TAF1B: variants seen among roughly 807,000 people sequenced by gnomAD.
The protein encoded by TAF1B is TATA-box binding protein associated factor, RNA polymerase I subunit B.
TAF1B carries 61 observed loss-of-function variants against 83.9 expected under a neutral mutation model. The ratio of observed to expected loss-of-function variants is 0.73; its 90% CI spans 0.59 to 0.90. TAF1B has a LOEUF of 0.90. Ranked by LOEUF, TAF1B falls within the 40% of genes least tolerant of loss-of-function variation. The pLI is 0.00. For synonymous variants in TAF1B, 221 were observed against 224.6 expected (o/e 0.98, Z 0.14); for missense variants, 625 against 677.0 (o/e 0.92, Z 0.85).
chr2:9,887,704 T>A (rs769510618), intron 8 of TAF1B, among the ~76,000 whole-genome samples: 2 of 152,162 alleles, frequency 1.3e-5, no homozygotes, highest in African/African-American at 2.4e-5. Flanking sequence ...TTTTAATTCG[T>A]GTGTTTAAGC....
At chr2:9,889,009 C>T (rs1477993703) in intron 8 of TAF1B, among the ~76,000 whole-genome samples, 1 of 151,398 alleles carries the variant, frequency 6.6e-6, no homozygotes, top group Admixed American at 6.6e-5. Context: ...ACCATGTGGG[C>T]CAGGCTGGTC....
At chr2:9,921,491 A>G (rs1243227072) in intron 14 of TAF1B, among the ~76,000 whole-genome samples, 1 of 152,228 alleles carries the variant, frequency 6.6e-6, no homozygotes, top group Non-Finnish European at 1.5e-5. Flanking sequence ...TGTACTGAAA[A>G]TCAACTCCAA....
intron 8 of TAF1B, among the ~76,000 whole-genome samples, chr2:9,899,750 TCA>T (rs1665127892): frequency 1.3e-5 from 2 of 152,180 alleles, no homozygotes; most frequent in Admixed American, 6.5e-5. Context: ...GAGATGAAAA[TCA>T]CAGTCTGATT....
At chr2:9,896,298 C>T (rs1665014541) in intron 8 of TAF1B, among the ~76,000 whole-genome samples, 1 of 152,104 alleles carries the variant, frequency 6.6e-6, no homozygotes, top group African/African-American at 2.4e-5. Context: ...AGCTTTTCTT[C>T]ATTGTGTGCT....
chr2:9,928,655 CTGTT>C (rs933405562), intron 14 of TAF1B, among the ~76,000 whole-genome samples: 5 of 151,108 alleles, frequency 3.3e-5, no homozygotes, highest in East Asian at 1.9e-4. Context: ...ATTTAGCTCT[CTGTT>C]TGTCTGTTAT....
intron 5 of TAF1B, among the ~76,000 whole-genome samples, chr2:9,862,484 T>A (rs2125142330): frequency 6.6e-6 from 1 of 152,310 alleles, no homozygotes; most frequent in South Asian, 2.1e-4. Flanking sequence ...TACCTGAAAG[T>A]GACAGGGAGA....
At chr2:9,873,672 G>A (rs1664236969) in intron 6 of TAF1B, among the ~76,000 whole-genome samples, 1 of 134,622 alleles carries the variant, frequency 7.4e-6, no homozygotes, top group African/African-American at 2.8e-5. Flanking sequence ...AAATGGCAAT[G>A]CATTCTACTT....
chr2:9,843,698 C>T, intron 1 of TAF1B, 139 bp downstream of exon 1: 2 of 1,003,908 alleles, frequency 2.0e-6, no homozygotes, highest in South Asian at 1.8e-5. Context: ...GGCTGCAGGG[C>T]GGGCTAAGGA....
intron 8 of TAF1B, among the ~76,000 whole-genome samples, chr2:9,897,333 A>C (rs554990660): frequency 3.9e-5 from 6 of 152,354 alleles, no homozygotes; most frequent in African/African-American, 1.4e-4. Context: ...GATCAGTTTA[A>C]AAATAGATAA....
chr2:9,930,758 T>A (rs1666186642), intron 14 of TAF1B, among the ~76,000 whole-genome samples: 1 of 152,236 alleles, frequency 6.6e-6, no homozygotes, highest in Non-Finnish European at 1.5e-5. Context: ...TGTCTAATAC[T>A]GACAGTGGGT....
chr2:9,882,919 G>T, intron 8 of TAF1B, 114 bp downstream of exon 8: 1 of 657,880 alleles, frequency 1.5e-6, no homozygotes, highest in Non-Finnish European at 2.5e-6. Flanking sequence ...TCCCAATATG[G>T]AACATCAGTC....
At chr2:9,907,814 T>C (rs1426470964) in intron 9 of TAF1B, among the ~76,000 whole-genome samples, 1 of 152,068 alleles carries the variant, frequency 6.6e-6, no homozygotes, top group East Asian at 1.9e-4. Context: ...CCTTGACAGA[T>C]GAGACTTAGG....
At position 9,910,905 on chromosome 2, in the gene TAF1B, T is replaced by A. The variant is rs1665513268; in HGVS notation, c.1125T>A (p.Ser375Arg). ...VLKLLFLLDD[S>R]FEWSLSNLAE... Reference sequence around the variant, plus strand: ...AACTGCTCTTTCTATTGGATGACAGTTTCGAGTGGTAAGTGTACGTCAATT... The same window carrying A: ...AACTGCTCTTTCTATTGGATGACAGATTCGAGTGGTAAGTGTACGTCAATT... The change falls in exon 10 of 15, where the codon AGT becomes AGA. Residue 375 changes from serine to arginine, a missense_variant. Physicochemically the swap from Ser to Arg is moderately radical, Grantham distance 110. Transcript: ENST00000263663. 6.2e-7 allele frequency: 1 copy of A among 1,610,010 alleles called. No homozygotes were observed. The highest frequency in any genetic ancestry group is 2.2e-5 in the East Asian group (1 of 44,796).
At chr2:9,896,015 C>T (rs1284517128) in intron 8 of TAF1B, among the ~76,000 whole-genome samples, 1 of 152,082 alleles carries the variant, frequency 6.6e-6, no homozygotes, top group Non-Finnish European at 1.5e-5. Context: ...TTCCCAAGCA[C>T]TCCGTTTTTA....
intron 5 of TAF1B, among the ~76,000 whole-genome samples, chr2:9,860,516 T>C (rs556932539): frequency 2.9e-4 from 44 of 152,212 alleles, no homozygotes; most frequent in African/African-American, 9.2e-4. Context: ...TTGAAGATAG[T>C]AGCTAGTATT....
rs16867245 is a variant in TAF1B at position 9,919,715 on chromosome 2, C to T, written c.1460C>T (p.Thr487Met). 198,464 of 1,614,050 alleles carry T rather than the reference C, an allele frequency of 0.12. 14,319 individuals carry two copies. The highest frequency in any genetic ancestry group is 0.29 in the Admixed American group (17,522 of 60,014). Residue 487 changes from threonine (T) to methionine (M), a missense_variant, in exon 14 of 15, where the codon ACG becomes ATG. Transcript: ENST00000263663. ...TGGACTGAAGAGGACACTGATAGAA[C>T]GTGTTTCCATGGACACAGCCTTCAG... ...FNWTEEDTDR[T>M]CFHGHSLQGV...
intron 3 of TAF1B, among the ~76,000 whole-genome samples, chr2:9,850,027 ATGTG>A (rs3032347): frequency 0.41 from 50,532 of 123,158 alleles, 8,628 homozygotes; most frequent in Admixed American, 0.5. Flanking sequence ...ATATATATAT[ATGTG>A]TGTGTGTGTG....
At chr2:9,899,406 T>C (rs1215744982) in intron 8 of TAF1B, among the ~76,000 whole-genome samples, 1 of 152,232 alleles carries the variant, frequency 6.6e-6, no homozygotes, top group Non-Finnish European at 1.5e-5. Context: ...AAAATCTATA[T>C]ATACTACTTG....
chr2:9,867,749 T>A (rs1309054224), intron 5 of TAF1B, among the ~76,000 whole-genome samples: 4 of 152,198 alleles, frequency 2.6e-5, no homozygotes, highest in Admixed American at 2.6e-4. Flanking sequence ...AGTATATCCT[T>A]GTTGATTACA....
Sources: allele counts gnomAD v4.1 joint callset (sites outside exome capture counted in the v4.1 genomes callset), GRCh38; gene constraint gnomAD v4.1.1; transcripts MANE v1.5; gene names NCBI Gene and HGNC (gene_info 2026-07-23, HGNC 2026-07-21).